Variants in RAD54L observed in about 807,000 individuals in gnomAD.
RAD54L encodes DNA repair and recombination protein RAD54-like.
A neutral mutation model predicts 91.6 loss-of-function variants in RAD54L; 74 were observed. The observed-to-expected ratio is 0.81, with a 90% confidence interval of 0.67 to 0.98. The LOEUF is 0.98. Among genes scored for constraint, RAD54L ranks in the 50% least tolerant of loss-of-function variants. RAD54L has a pLI of 0.00. For missense variants in RAD54L, 887 were observed against 945.7 expected (o/e 0.94, Z 0.81); for synonymous variants, 304 against 349.7 (o/e 0.87, Z 1.46).
intron 1 of RAD54L, 24 bp downstream of exon 1, chr1:46,248,432 T>C: frequency 6.2e-7 from 1 of 1,614,060 alleles, no homozygotes; most frequent in Non-Finnish European, 8.5e-7. Context: ...TAGGGGAGAC[T>C]GGGAATAGCC....
intron 14 of RAD54L, 112 bp from the exon 15 acceptor site, chr1:46,274,026 C>T: frequency 2.6e-6 from 3 of 1,132,224 alleles, no homozygotes; most frequent in Non-Finnish European, 3.9e-6. Context: ...CCTTCAGTGG[C>T]TCTCCAAGGG....
chr1:46,273,103 A>T (rs1240343213), intron 12 of RAD54L, among the ~76,000 whole-genome samples: 4 of 152,188 alleles, frequency 2.6e-5, no homozygotes, highest in African/African-American at 4.8e-5. Flanking sequence ...AGGAGGAAAA[A>T]TAACAAAGAA....
At chr1:46,261,222 A>C in intron 7 of RAD54L, 39 bp from the exon 8 acceptor site, 2 of 1,603,416 alleles carry the variant, frequency 1.2e-6, no homozygotes, top group African/African-American at 2.8e-5. Flanking sequence ...TTTTTTCAAA[A>C]GATTCTGAAT....
rs145927420 is a variant in RAD54L at position 46,253,134 on chromosome 1, G to A, written c.210+3015G>A. Among the ~76,000 whole-genome samples, 313 of 152,262 alleles carry A rather than the reference G, an allele frequency of 2.1e-3. 4 individuals are homozygous for A. Among genetic ancestry groups the A allele is most frequent in the African/African-American group, 7.1e-3 (294 of 41,542 alleles). ...GTATAGTTAATGGGTAGAATCTGCT[G>A]TATGATAAGAATGCTACTAACACTG... On this transcript the variant is annotated intron_variant, in intron 3 of 17. Coordinates refer to ENST00000371975, the MANE Select transcript of RAD54L (RefSeq NM_003579.4).
At chr1:46,253,957 A>G (rs1659871754) in intron 3 of RAD54L, among the ~76,000 whole-genome samples, 1 of 151,932 alleles carries the variant, frequency 6.6e-6, no homozygotes, top group South Asian at 2.1e-4. Context: ...CTTTATACCA[A>G]TGCAGTCTTT....
rs762854720 is a variant in RAD54L, at chr1:46,278,227, C to CCAT, written c.2192_2194dup (p.Ile731dup). 715 of 1,613,826 alleles carry CCAT rather than the reference C, an allele frequency of 4.4e-4. 1 individual carries two copies. The highest frequency in any genetic ancestry group is 5.7e-4 in the Non-Finnish European group (669 of 1,179,982). ...GCTGCCTGGGATGCTGCCTCCACTGCCATCACCTTCGTCTTCCACCAGCGT... is the reference window on the plus strand; with the variant it reads ...GCTGCCTGGGATGCTGCCTCCACTGCCATCATCACCTTCGTCTTCCACCAGCGT... On this transcript the variant is annotated inframe_insertion, in exon 18 of 18. Coordinates refer to ENST00000371975, the MANE Select transcript of RAD54L (RefSeq NM_003579.4).
intron 8 of RAD54L, among the ~76,000 whole-genome samples, chr1:46,264,041 C>G (rs867264707): frequency 2.6e-5 from 4 of 152,186 alleles, no homozygotes; most frequent in Non-Finnish European, 5.9e-5. Context: ...AAATAATCTG[C>G]GGCCTTGGCC....
intron 11 of RAD54L, 62 bp from the exon 12 acceptor site, chr1:46,272,610 G>GGT: frequency 6.2e-7 from 1 of 1,608,716 alleles, no homozygotes; most frequent in Non-Finnish European, 8.5e-7. Flanking sequence ...GGGCTCTCAA[G>GGT]GTGTTCTCAG....
chr1:46,261,818 T>G (rs1660136914), intron 8 of RAD54L, among the ~76,000 whole-genome samples: 1 of 151,878 alleles, frequency 6.6e-6, no homozygotes. Flanking sequence ...TCCAAAGAGG[T>G]TTTTGAGGAC....
chr1:46,258,786 G>A (rs766818411), intron 4 of RAD54L, 40 bp downstream of exon 4: 3 of 1,427,132 alleles, frequency 2.1e-6, no homozygotes, highest in African/African-American at 1.4e-5. Flanking sequence ...TCAGTCATAT[G>A]TACGTGTGCC....
At chr1:46,260,491 G>A (rs2148287635) in intron 5 of RAD54L, 51 bp from the exon 6 acceptor site, 1 of 1,550,130 alleles carries the variant, frequency 6.5e-7, no homozygotes, top group Non-Finnish European at 8.9e-7. Flanking sequence ...TCCTGAGGGT[G>A]CTCCCTTGCC....
chr1:46,248,735 T>C (rs1659719335), intron 2 of RAD54L, 137 bp downstream of exon 2: 3 of 775,164 alleles, frequency 3.9e-6, no homozygotes, highest in South Asian at 3.0e-5. Flanking sequence ...GAGTACTTAC[T>C]ATGTGCCAGG....
intron 5 of RAD54L, 71 bp downstream of exon 5, chr1:46,260,170 G>A (rs2148287306): frequency 6.3e-7 from 1 of 1,594,052 alleles, no homozygotes; most frequent in South Asian, 1.1e-5. Flanking sequence ...AGGGCAGAGG[G>A]TATTTTGGTG....
chr1:46,259,040 C>T (rs1660018137), intron 4 of RAD54L, among the ~76,000 whole-genome samples: 1 of 152,132 alleles, frequency 6.6e-6, no homozygotes, highest in South Asian at 2.1e-4. Context: ...CAAGTGCATT[C>T]AGTAGCATCC....
rs1246908740 is a variant in RAD54L at position 46,260,738 on chromosome 1, C to G, written c.489C>G (p.Phe163Leu). ...CTGTTATTCTCTAGGGAGTGAAATT[C>G]CTGTGGGAGTGTGTCACCAGTCGGC... ...LRPHQREGVK[F>L]LWECVTSRRI... The change falls in exon 7 of 18, where the codon TTC becomes TTG. Residue 163 changes from phenylalanine (F) to leucine (L), a missense_variant. Coordinates refer to ENST00000371975, the MANE Select transcript of RAD54L (RefSeq NM_003579.4). 6.2e-7 allele frequency: 1 copy of G among 1,614,180 alleles called. No individual in the cohort carries two copies. Among genetic ancestry groups the G allele is most frequent in the South Asian group, 1.1e-5 (1 of 91,082 alleles).
chr1:46,258,806 TA>T, intron 4 of RAD54L, 60 bp downstream of exon 4: 1 of 1,308,364 alleles, frequency 7.6e-7, no homozygotes. Context: ...CTGAATAAAT[TA>T]AAAACCTGCT....
Position 46,265,303 on chromosome 1 carries a change from T to C in RAD54L, c.892-2156T>C, listed in dbSNP as rs1344567525. 6.6e-6 allele frequency among the ~76,000 whole-genome samples: 1 copy of C among 151,988 alleles called. No homozygotes were observed. Among genetic ancestry groups the C allele is most frequent in the Non-Finnish European group, 1.5e-5 (1 of 67,984 alleles). On this transcript the variant is annotated intron_variant, in intron 8 of 17. Coordinates refer to ENST00000371975, the MANE Select transcript of RAD54L (RefSeq NM_003579.4). The surrounding 1 kb of genome is among the most constrained non-coding windows in gnomAD (Gnocchi z 4.8). Reference sequence around the variant, plus strand: ...TTCAAGACTAGCCTGGCCAACATGGTGAAACCCTGTTTCTACTAAAAATAC... The same window carrying C: ...TTCAAGACTAGCCTGGCCAACATGGCGAAACCCTGTTTCTACTAAAAATAC...
chr1:46,274,844 G>A (rs1660548677), intron 16 of RAD54L, 127 bp downstream of exon 16: 2 of 1,115,974 alleles, frequency 1.8e-6, no homozygotes, highest in East Asian at 2.4e-5. Flanking sequence ...GGGCCCAGAA[G>A]TGAGTCTTTT....
At chr1:46,274,963 C>T (rs1019803998) in intron 16 of RAD54L, among the ~76,000 whole-genome samples, 12 of 152,208 alleles carry the variant, frequency 7.9e-5, no homozygotes, top group Non-Finnish European at 1.5e-4. Context: ...ACCTGCTTCC[C>T]TCATACATGA....
Sources: allele counts gnomAD v4.1 joint callset (sites outside exome capture counted in the v4.1 genomes callset), GRCh38; gene constraint gnomAD v4.1.1; non-coding constraint Gnocchi (gnomAD v3.1); transcripts MANE v1.5; gene names NCBI Gene and HGNC (gene_info 2026-07-23, HGNC 2026-07-21).